Variants in DNAAF11 observed in about 807,000 individuals in gnomAD.
DNAAF11 encodes dynein axonemal assembly factor 11.
In DNAAF11, 45 loss-of-function variants were observed where a neutral mutation model predicts 60.8. The ratio of observed to expected loss-of-function variants is 0.74; its 90% CI spans 0.58 to 0.95. The LOEUF is 0.95. Ranked by LOEUF, DNAAF11 falls within the 40% of genes least tolerant of loss-of-function variation. The pLI, the probability that DNAAF11 is intolerant of heterozygous loss-of-function variation, is 0.00. For synonymous variants in DNAAF11, 191 were observed against 183.5 expected, an observed-to-expected ratio of 1.04 and a Z score of -0.33; for missense variants, 546 against 546.2, an observed-to-expected ratio of 1.00 and a Z score of 0.00.
intron 1 of DNAAF11, among the ~76,000 whole-genome samples, chr8:132,675,064 G>A (rs1033229505): frequency 8.5e-5 from 13 of 152,146 alleles, no homozygotes; most frequent in Admixed American, 7.2e-4. Flanking sequence ...CCACCATTAG[G>A]CTACACTGCC....
upstream of DNAAF11, among the ~76,000 whole-genome samples, chr8:132,677,979 T>C (rs577896115): frequency 2.6e-5 from 4 of 152,336 alleles, no homozygotes; most frequent in African/African-American, 9.6e-5. Context: ...GCTATGCCTC[T>C]TAATACTGCT....
At chr8:132,662,756 C>G (rs1314071154) in intron 1 of DNAAF11, among the ~76,000 whole-genome samples, 1 of 152,216 alleles carries the variant, frequency 6.6e-6, no homozygotes, top group African/African-American at 2.4e-5. Flanking sequence ...CTATGCTCCA[C>G]TGTCTCAAGC....
At chr8:132,687,376 AG>A in the DNAAF11 span, 4 of 285,170 alleles carry the variant, frequency 1.4e-5, no homozygotes, top group African/African-American at 8.8e-5. Context: ...ACACAGAAAA[AG>A]ATCTCTGCCC....
chr8:132,577,415 T>C (rs940696385), intron 11 of DNAAF11, among the ~76,000 whole-genome samples: 2 of 152,234 alleles, frequency 1.3e-5, no homozygotes, highest in Non-Finnish European at 2.9e-5. Context: ...TAGCCAAATA[T>C]ATCCTTATAC....
At chr8:132,630,020 A>C (rs1820648479) in intron 5 of DNAAF11, among the ~76,000 whole-genome samples, 1 of 152,230 alleles carries the variant, frequency 6.6e-6, no homozygotes, top group South Asian at 2.1e-4. Flanking sequence ...AGCTCTTCCA[A>C]GGTTCAGCAA....
At position 132,622,658 on chromosome 8, in the gene DNAAF11, C is replaced by T; in HGVS notation, c.867G>A (p.Arg289=). The T allele has an allele frequency of 6.2e-7, 1 of 1,613,494 alleles. No individual in the cohort carries two copies. The highest frequency in any genetic ancestry group is 1.1e-5 in the South Asian group (1 of 90,986). Residue 289 remains arginine, a synonymous_variant, in exon 7 of 12, where the codon AGG becomes AGA. Transcript: ENST00000620350. ...CTTTCCCATCTTCAGTGATCAAAGT[C>T]CTGGGTGGTTTCACTTTCTTCTTTT... is the stretch of plus-strand genomic sequence containing the variant. The part of the protein sequence containing the change: ...SEKKKKVKPP[R]TLITEDGKAL...
chr8:132,637,857 G>A, intron 4 of DNAAF11, 78 bp downstream of exon 4: 3 of 1,252,174 alleles, frequency 2.4e-6, no homozygotes, highest in Non-Finnish European at 3.4e-6. Flanking sequence ...ATTCACTGTT[G>A]CTGCCAGTAA....
rs187549313 is a variant in DNAAF11 at position 132,610,853 on chromosome 8, C to A, written c.1044+441G>T. Among the ~76,000 whole-genome samples, 648 of 152,170 alleles carry A rather than the reference C, an allele frequency of 4.3e-3. 2 individuals are homozygous for A. Among genetic ancestry groups the A allele is most frequent in the Non-Finnish European group, 6.4e-3 (432 of 67,992 alleles). On this transcript the variant is annotated intron_variant, in intron 9 of 11. Coordinates refer to ENST00000620350, the MANE Select transcript of DNAAF11 (RefSeq NM_012472.6). ...TGTGCTAAAAAATAGCACTCTGTTT[C>A]ATTTCCCTTTTTCTATGTTTTGTTT... is the stretch of plus-strand genomic sequence containing the variant.
At chr8:132,699,444 A>C in the DNAAF11 span, among the ~76,000 whole-genome samples, 1 of 152,176 alleles carries the variant, frequency 6.6e-6, no homozygotes, top group Admixed American at 6.5e-5. Flanking sequence ...AGGGTAATTA[A>C]CAAGGAAGCC....
chr8:132,609,916 T>A (rs1398169790), intron 10 of DNAAF11, among the ~76,000 whole-genome samples: 1 of 152,168 alleles, frequency 6.6e-6, no homozygotes, highest in Non-Finnish European at 1.5e-5. Context: ...ATGGACAAAT[T>A]AATTTTTTTA....
At chr8:132,633,735 T>C (rs1821031334) in intron 4 of DNAAF11, among the ~76,000 whole-genome samples, 1 of 152,054 alleles carries the variant, frequency 6.6e-6, no homozygotes, top group East Asian at 1.9e-4. Context: ...GAGGTCCTTA[T>C]AAGTAAAAGA....
chr8:132,692,849 T>C, the DNAAF11 span, among the ~76,000 whole-genome samples: 3 of 152,176 alleles, frequency 2.0e-5, no homozygotes, highest in Admixed American at 2.0e-4. Context: ...TTTGAACCAA[T>C]CGTGTATGAT....
chr8:132,697,989 T>G, the DNAAF11 span, among the ~76,000 whole-genome samples: 3 of 152,178 alleles, frequency 2.0e-5, no homozygotes, highest in Non-Finnish European at 2.9e-5. Flanking sequence ...TTGTCTTTAA[T>G]TATCACAACA....
chr8:132,686,572 G>C, the DNAAF11 span, among the ~76,000 whole-genome samples: 1 of 152,132 alleles, frequency 6.6e-6, no homozygotes, highest in Non-Finnish European at 1.5e-5. Context: ...GGTATGAGTG[G>C]AAAGGCTGGG....
chr8:132,632,315 A>G (rs1391053843), intron 5 of DNAAF11, among the ~76,000 whole-genome samples: 2 of 152,224 alleles, frequency 1.3e-5, no homozygotes, highest in Admixed American at 6.5e-5. Context: ...CACATTAAAA[A>G]TGTATTCAGT....
chr8:132,616,865 T>C (rs1453444639), intron 7 of DNAAF11, among the ~76,000 whole-genome samples: 1 of 152,148 alleles, frequency 6.6e-6, no homozygotes, highest in Non-Finnish European at 1.5e-5. Flanking sequence ...GCAGGAGTTT[T>C]TTATCCCTAA....
intron 11 of DNAAF11, 47 bp downstream of exon 11, chr8:132,583,647 G>T (rs1815564813): frequency 1.4e-6 from 2 of 1,442,206 alleles, no homozygotes; most frequent in Admixed American, 1.7e-5. Flanking sequence ...AAATGACAAT[G>T]AAGAGAACAA....
chr8:132,576,569 A>G (rs1234082250), intron 11 of DNAAF11, among the ~76,000 whole-genome samples: 2 of 152,284 alleles, frequency 1.3e-5, no homozygotes, highest in East Asian at 1.9e-4. Flanking sequence ...ATCTCTCAAC[A>G]TAAGTTGGGT....
chr8:132,594,531 T>C (rs1430327756), intron 10 of DNAAF11, among the ~76,000 whole-genome samples: 1 of 152,168 alleles, frequency 6.6e-6, no homozygotes, highest in Admixed American at 6.5e-5. Flanking sequence ...CCAAATATCA[T>C]CTGGAATTGT....
Sources: gnomAD v4.1 joint callset for allele counts (sites outside exome capture counted in the v4.1 genomes callset) on GRCh38, gnomAD v4.1.1 for gene constraint, MANE v1.5 for transcripts, NCBI Gene and HGNC (gene_info 2026-07-23, HGNC 2026-07-21) for gene names.